Variants in ELK3 observed in about 807,000 individuals in gnomAD.
ELK3 encodes the protein ETS transcription factor ELK3.
Under a neutral mutation model 28.9 loss-of-function variants are expected in ELK3, and 10 were observed. The observed-to-expected ratio is 0.35, with a 90% confidence interval of 0.21 to 0.59. The LOEUF (loss-of-function observed/expected upper bound fraction) is 0.59. ELK3 is among the 20% of genes least tolerant of loss of function. The pLI is 0.82. For missense variants in ELK3, 463 were observed against 517.3 expected (o/e 0.90, Z 1.02); for synonymous variants, 272 against 243.5 (o/e 1.12, Z -1.09).
At chr12:96,240,545 C>G (rs1198094568) in intron 2 of ELK3, among the ~76,000 whole-genome samples, 4 of 152,136 alleles carry the variant, frequency 2.6e-5, no homozygotes, top group Non-Finnish European at 5.9e-5. Context: ...ATCCCTGCAG[C>G]AGTCTTTGTG....
intron 1 of ELK3, among the ~76,000 whole-genome samples, chr12:96,218,648 A>ATTTTT (rs144305445): frequency 1.6e-4 from 21 of 131,094 alleles, no homozygotes; most frequent in African/African-American, 4.5e-4. Flanking sequence ...AAAGATAAGC[A>ATTTTT]TTTTTTTTTT....
At chr12:96,207,121 A>G (rs921629454) in intron 1 of ELK3, among the ~76,000 whole-genome samples, 1 of 152,176 alleles carries the variant, frequency 6.6e-6, no homozygotes, top group Non-Finnish European at 1.5e-5. Flanking sequence ...TTGTTTGTCT[A>G]CAAGTCGGGT....
intron 3 of ELK3, among the ~76,000 whole-genome samples, chr12:96,253,094 C>G (rs986902317): frequency 6.6e-6 from 1 of 152,152 alleles, no homozygotes; most frequent in Non-Finnish European, 1.5e-5. Context: ...AACCCCGTCT[C>G]TACTAAAAGT....
At chr12:96,238,051 T>C (rs1261427394) in intron 2 of ELK3, among the ~76,000 whole-genome samples, 1 of 152,094 alleles carries the variant, frequency 6.6e-6, no homozygotes, top group Non-Finnish European at 1.5e-5. Flanking sequence ...ATCTGTGAAG[T>C]GGGTATCAAA....
chr12:96,249,295 G>A (rs998724245), intron 3 of ELK3, among the ~76,000 whole-genome samples: 17 of 152,186 alleles, frequency 1.1e-4, no homozygotes, highest in Admixed American at 5.9e-4. Flanking sequence ...GCAGCTCTGG[G>A]CCACTGTCCT....
At chr12:96,239,775 A>T (rs2137028039) in intron 2 of ELK3, among the ~76,000 whole-genome samples, 1 of 152,354 alleles carries the variant, frequency 6.6e-6, no homozygotes, top group Non-Finnish European at 1.5e-5. Flanking sequence ...CCTGAGCCCA[A>T]GCAGACGCTG....
intron 2 of ELK3, among the ~76,000 whole-genome samples, chr12:96,237,604 T>C (rs1338653939): frequency 6.6e-6 from 1 of 152,134 alleles, no homozygotes; most frequent in Non-Finnish European, 1.5e-5. Context: ...GGGCCACCCA[T>C]AGGAGAGTGT....
At chr12:96,238,242 G>A (rs549044655) in intron 2 of ELK3, among the ~76,000 whole-genome samples, 1 of 152,364 alleles carries the variant, frequency 6.6e-6, no homozygotes, top group South Asian at 2.1e-4. Context: ...ATGTTGTAAG[G>A]ACCTGTGTGA....
intron 2 of ELK3, among the ~76,000 whole-genome samples, chr12:96,228,818 C>A (rs925780381): frequency 6.6e-6 from 1 of 152,172 alleles, no homozygotes; most frequent in African/African-American, 2.4e-5. Flanking sequence ...TGTCCCTCAA[C>A]CTCAGCGTCT....
chr12:96,219,847 G>A (rs543351823), intron 1 of ELK3, among the ~76,000 whole-genome samples: 1 of 152,302 alleles, frequency 6.6e-6, no homozygotes, highest in South Asian at 2.1e-4. Flanking sequence ...CTACATGACT[G>A]CCCAGTCATC....
At chr12:96,243,666 C>T (rs577980271) in intron 2 of ELK3, among the ~76,000 whole-genome samples, 76 of 152,096 alleles carry the variant, frequency 5.0e-4, no homozygotes, top group Middle Eastern at 3.4e-3. Context: ...CTGACTTACA[C>T]GGTGAAACCC....
intron 1 of ELK3, among the ~76,000 whole-genome samples, chr12:96,196,427 G>A (rs1306875321): frequency 6.6e-6 from 1 of 152,008 alleles, no homozygotes; most frequent in African/African-American, 2.4e-5. Context: ...GGGGTGGGGG[G>A]GGTGTGGAGC....
At chr12:96,220,382 A>ATTTTT (rs35309478) in intron 1 of ELK3, among the ~76,000 whole-genome samples, 22 of 100,322 alleles carry the variant, frequency 2.2e-4, no homozygotes, top group African/African-American at 6.1e-4. Flanking sequence ...CTTTTTCGTG[A>ATTTTT]TTTTTTTTTT....
At chr12:96,232,209 T>G (rs559896207) in intron 2 of ELK3, among the ~76,000 whole-genome samples, 13 of 151,962 alleles carry the variant, frequency 8.6e-5, no homozygotes, top group African/African-American at 3.1e-4. Context: ...GTTGGAAAAG[T>G]GAGTGGGGAA....
chr12:96,264,269 C>T (rs1336852934), intron 4 of ELK3, among the ~76,000 whole-genome samples: 2 of 152,130 alleles, frequency 1.3e-5, no homozygotes, highest in Non-Finnish European at 2.9e-5. Flanking sequence ...TTACAGGTGT[C>T]AACGACCATA....
rs569180106 is a variant in ELK3 at position 96,209,328 on chromosome 12, A to C, written c.-2-14237A>C. ...TTTGCCTTGGATCTACCCTTCCCAG[A>C]AAGACGCCTCTAAAGCATAATAGGA... On this transcript the variant is annotated intron_variant, in intron 1 of 4. Coordinates refer to ENST00000228741, the MANE Select transcript of ELK3 (RefSeq NM_005230.4). Among the ~76,000 whole-genome samples the C allele has an allele frequency of 6.6e-5, 10 of 152,274 alleles. No homozygotes were observed. The South Asian group carries it at 1.9e-3, about 28-fold the overall frequency.
intron 4 of ELK3, among the ~76,000 whole-genome samples, chr12:96,262,478 AC>A (rs1952000144): frequency 6.6e-6 from 1 of 152,082 alleles, no homozygotes; most frequent in Non-Finnish European, 1.5e-5. Flanking sequence ...CACCAAGTGG[AC>A]CTGTTCTCTT....
intron 1 of ELK3, among the ~76,000 whole-genome samples, chr12:96,204,420 C>T (rs1161113717): frequency 6.6e-6 from 1 of 152,168 alleles, no homozygotes; most frequent in East Asian, 1.9e-4. Context: ...ATTATGAAGA[C>T]TTGATTGACT....
intron 1 of ELK3, among the ~76,000 whole-genome samples, chr12:96,201,517 G>C (rs1363018982): frequency 6.7e-6 from 1 of 150,372 alleles, no homozygotes; most frequent in African/African-American, 2.5e-5. Flanking sequence ...GGAGGTCAAG[G>C]CTGCAGTGAA....
Sources: allele counts gnomAD v4.1 joint callset (sites outside exome capture counted in the v4.1 genomes callset), GRCh38; gene constraint gnomAD v4.1.1; transcripts MANE v1.5; gene names NCBI Gene and HGNC (gene_info 2026-07-23, HGNC 2026-07-21).